BACE2: variants seen among roughly 807,000 people sequenced by gnomAD.
The protein encoded by BACE2 is beta-secretase 2.
A neutral mutation model predicts 46.2 loss-of-function variants in BACE2; 17 were observed. The observed-to-expected ratio is 0.37, with a 90% CI of 0.25 to 0.55. The LOEUF (loss-of-function observed/expected upper bound fraction) is 0.55. Among genes scored for constraint, BACE2 ranks in the 20% least tolerant of loss-of-function variants. BACE2 has a pLI of 0.82. For synonymous variants in BACE2, 277 were observed against 295.9 expected (o/e 0.94, Z 0.66); for missense variants, 595 against 698.1 (o/e 0.85, Z 1.66).
At chr21:41,174,132 C>A (rs4818217) in intron 1 of BACE2, among the ~76,000 whole-genome samples, 2 of 126,064 alleles carry the variant, frequency 1.6e-5, no homozygotes, top group Non-Finnish European at 3.1e-5. Flanking sequence ...CTGTTGTGAT[C>A]AGTGGCCTTT....
chr21:41,256,088 T>TG (rs1987780242), intron 7 of BACE2, among the ~76,000 whole-genome samples: 1 of 152,140 alleles, frequency 6.6e-6, no homozygotes, highest in African/African-American at 2.4e-5. Flanking sequence ...TGTTTTGTTT[T>TG]TTTTTGTTTA....
chr21:41,179,112 C>CCAGGGTGAGGAGTGAGGGTGT (rs1339806958), intron 1 of BACE2: 22 of 1,068,500 alleles, frequency 2.1e-5, no homozygotes, highest in Non-Finnish European at 2.5e-5. Flanking sequence ...ACTGAGGGTG[C>CCAGGGTGAGGAGTGAGGGTGT]CAGGGTGAGG....
At chr21:41,227,049 G>A (rs572115616) in intron 2 of BACE2, among the ~76,000 whole-genome samples, 5 of 152,302 alleles carry the variant, frequency 3.3e-5, no homozygotes, top group East Asian at 1.9e-4. Flanking sequence ...GGCCCCCAGC[G>A]GCTTGTGGCA....
chr21:41,281,483 G>A lies in BACE2; in HGVS notation c.*5859G>A, dbSNP rs1424410760. 3.3e-5 allele frequency: 5 copies of A among 152,172 alleles called. No homozygotes were observed. Among genetic ancestry groups the A allele is most frequent in the South Asian group, 4.1e-4 (2 of 4,822 alleles). 9.4% of individuals were successfully genotyped at this position (152,172 alleles called of 1,614,324 possible). A position where few individuals can be genotyped will look rare whatever the true frequency, so the allele number is the denominator to read the frequency against. ...AGACAGATAAGAATATCATAAGCAG[G>A]GAAGTGTCTCCAAAGGTCAGGACAT... On this transcript the variant is annotated 3_prime_UTR_variant, in exon 9 of 9. Transcript: ENST00000330333.
At chr21:41,233,130 G>A (rs1987014991) in intron 2 of BACE2, among the ~76,000 whole-genome samples, 1 of 152,134 alleles carries the variant, frequency 6.6e-6, no homozygotes, top group African/African-American at 2.4e-5. Context: ...GCCTCCCAAA[G>A]TGCTGGGATT....
chr21:41,192,415 T>G (rs1275793756), intron 1 of BACE2, among the ~76,000 whole-genome samples: 3 of 152,220 alleles, frequency 2.0e-5, no homozygotes, highest in Non-Finnish European at 4.4e-5. Flanking sequence ...AATGCTGCTG[T>G]GCATGACCCA....
At chr21:41,202,647 C>T (rs975407085) in intron 1 of BACE2, among the ~76,000 whole-genome samples, 12 of 152,182 alleles carry the variant, frequency 7.9e-5, no homozygotes, top group African/African-American at 2.9e-4. Context: ...AAAAATATGC[C>T]CTAACATTGT....
At chr21:41,267,767 T>C (rs1452723008) in intron 8 of BACE2, among the ~76,000 whole-genome samples, 1 of 152,082 alleles carries the variant, frequency 6.6e-6, no homozygotes, top group East Asian at 1.9e-4. Flanking sequence ...GGCCCCAGAT[T>C]TTCCGTAGCT....
chr21:41,262,042 A>G (rs1601318518), intron 8 of BACE2, among the ~76,000 whole-genome samples: 1 of 152,174 alleles, frequency 6.6e-6, no homozygotes, highest in East Asian at 1.9e-4. Context: ...TAACCACAAT[A>G]CCATAATCAC....
chr21:41,182,649 A>T lies in BACE2; in HGVS notation c.312+14074A>T, dbSNP rs546280400. Reference sequence around the variant, plus strand: ...CTGGCTTCTAGTTCTTGGCTTCCATACTGCTCAAAAGGAGTTCAAGGGCCA... The same window carrying T: ...CTGGCTTCTAGTTCTTGGCTTCCATTCTGCTCAAAAGGAGTTCAAGGGCCA... On this transcript the variant is annotated intron_variant, in intron 1 of 8. Coordinates refer to ENST00000330333, the MANE Select transcript of BACE2 (RefSeq NM_012105.5). 3.0e-5 allele frequency: 5 copies of T among 167,114 alleles called. No individual in the cohort carries two copies. The East Asian group carries it at 9.7e-4, about 32-fold the overall frequency. 10.4% of individuals were successfully genotyped at this position (167,114 alleles called of 1,614,324 possible).
In BACE2 at chr21:41,280,520, G is replaced by C. The variant is rs1019107883; in HGVS notation, c.*4896G>C. The C allele has an allele frequency of 6.6e-6, 1 of 152,370 alleles. No homozygotes were observed. Among genetic ancestry groups the C allele is most frequent in the Non-Finnish European group, 1.5e-5 (1 of 68,146 alleles). The allele number at this position is 152,370 out of a possible 1,614,324, so 9.4% of individuals were successfully genotyped here. A position where few individuals can be genotyped will look rare whatever the true frequency, so the allele number is the denominator to read the frequency against. On this transcript the variant is annotated 3_prime_UTR_variant, in exon 9 of 9. Transcript: ENST00000330333. ...CCTGGAGCACACCCAGCCCCATTCA[G>C]GGTCAGTGCAGGAGGGAACAGGGAA... is the stretch of plus-strand genomic sequence containing the variant.
intron 8 of BACE2, among the ~76,000 whole-genome samples, chr21:41,265,173 CTT>C (rs78649572): frequency 4.9e-4 from 60 of 123,266 alleles, no homozygotes; most frequent in African/African-American, 1.6e-3. Context: ...AAAGTCCTTC[CTT>C]TTTTTTTTTT....
chr21:41,175,053 T>C (rs1325280722), intron 1 of BACE2, among the ~76,000 whole-genome samples: 1 of 152,130 alleles, frequency 6.6e-6, no homozygotes, highest in African/African-American at 2.4e-5. Context: ...GGCCTAGATG[T>C]ACTAATTTGA....
Position 41,278,830 on chromosome 21 carries a change from C to G in BACE2, c.*3206C>G, listed in dbSNP as rs149188297. 6.6e-6 allele frequency: 1 copy of G among 151,954 alleles called. No individual in the cohort carries two copies. Among genetic ancestry groups the G allele is most frequent in the Non-Finnish European group, 1.5e-5 (1 of 68,020 alleles). 9.4% of individuals were successfully genotyped at this position (151,954 alleles called of 1,614,324 possible). A position where few individuals can be genotyped will look rare whatever the true frequency, so the allele number is the denominator to read the frequency against. Reference sequence around the variant, plus strand: ...TTCTAAGTTCTGGACTAGTGCCACTCGATATCATTGGGAATAAATCGTTGT... The same window carrying G: ...TTCTAAGTTCTGGACTAGTGCCACTGGATATCATTGGGAATAAATCGTTGT... On this transcript the variant is annotated 3_prime_UTR_variant, in exon 9 of 9. Transcript: ENST00000330333.
chr21:41,248,593 T>C (rs2837992), intron 6 of BACE2, among the ~76,000 whole-genome samples: 98,157 of 152,210 alleles, frequency 0.64, 31,876 homozygotes, highest in East Asian at 0.85. Flanking sequence ...AGACTTCGCT[T>C]TTTCACAAAG....
At chr21:41,211,173 C>A (rs1196346904) in intron 1 of BACE2, among the ~76,000 whole-genome samples, 4 of 150,034 alleles carry the variant, frequency 2.7e-5, no homozygotes, top group African/African-American at 7.4e-5. Context: ...CCCCCCTCCC[C>A]ATCCCTCTCC....
At chr21:41,271,948 A>C (rs2088439101) in intron 8 of BACE2, among the ~76,000 whole-genome samples, 1 of 151,586 alleles carries the variant, frequency 6.6e-6, no homozygotes, top group Non-Finnish European at 1.5e-5. Context: ...GTGTAGATTC[A>C]AGTTTCCTTC....
intron 3 of BACE2, among the ~76,000 whole-genome samples, chr21:41,238,816 G>A (rs1422280177): frequency 9.6e-5 from 10 of 103,696 alleles, no homozygotes; most frequent in Admixed American, 7.7e-4. Flanking sequence ...GGTGGGGGGA[G>A]GGGGGAGGGA....
At chr21:41,191,666 G>A (rs776734141) in intron 1 of BACE2, among the ~76,000 whole-genome samples, 6 of 152,156 alleles carry the variant, frequency 3.9e-5, no homozygotes, top group Non-Finnish European at 7.3e-5. Flanking sequence ...GGTCAGCCTT[G>A]GTGAGTGGAA....
Sources: gnomAD v4.1 joint callset for allele counts (sites outside exome capture counted in the v4.1 genomes callset) on GRCh38, gnomAD v4.1.1 for gene constraint, MANE v1.5 for transcripts, NCBI Gene and HGNC (gene_info 2026-07-23, HGNC 2026-07-21) for gene names.